The following ADARB2 variants were observed in gnomAD, a reference collection of about 807,000 sequenced individuals.
ADARB2 encodes the protein inactive double-stranded RNA-specific editase B2.
Under a neutral mutation model 62.2 loss-of-function variants are expected in ADARB2, and 25 were observed. The observed-to-expected ratio is 0.40, with a 90% CI of 0.29 to 0.56. ADARB2 has a LOEUF of 0.56. Ranked by LOEUF, ADARB2 falls within the 20% of genes least tolerant of loss-of-function variation. ADARB2 has a pLI of 0.43. For missense variants in ADARB2, 1,071 were observed against 1,077.4 expected (o/e 0.99, Z 0.08); for synonymous variants, 572 against 500.8 (o/e 1.14, Z -1.90).
chr10:1,272,812 G>A (rs979092394), intron 3 of ADARB2, among the ~76,000 whole-genome samples: 1 of 152,176 alleles, frequency 6.6e-6, no homozygotes, highest in African/African-American at 2.4e-5. Flanking sequence ...TGGGGCTGCT[G>A]GAAAAATACC....
chr10:1,538,622 G>A (rs1003130567), intron 1 of ADARB2, among the ~76,000 whole-genome samples: 20 of 152,218 alleles, frequency 1.3e-4, no homozygotes, highest in Non-Finnish European at 2.2e-4. Flanking sequence ...TGGGCATCAC[G>A]TGGTGGACGG....
intron 1 of ADARB2, among the ~76,000 whole-genome samples, chr10:1,490,656 T>C (rs1831610701): frequency 6.6e-6 from 1 of 152,170 alleles, no homozygotes; most frequent in African/African-American, 2.4e-5. Context: ...GGTTTCTCCA[T>C]GTTGTCCAGG....
intron 8 of ADARB2, among the ~76,000 whole-genome samples, chr10:1,188,732 C>T (rs148055442): frequency 2.6e-5 from 4 of 152,112 alleles, no homozygotes; most frequent in Admixed American, 1.3e-4. Flanking sequence ...TGATCATGCC[C>T]GTGGAGCGGG....
intron 3 of ADARB2, among the ~76,000 whole-genome samples, chr10:1,338,875 G>A (rs957937582): frequency 6.6e-6 from 1 of 152,180 alleles, no homozygotes; most frequent in Admixed American, 6.5e-5. Flanking sequence ...CAGGGTGGCT[G>A]TGAGCTCACT....
At chr10:1,543,192 A>G (rs1832465116) in intron 1 of ADARB2, among the ~76,000 whole-genome samples, 1 of 152,162 alleles carries the variant, frequency 6.6e-6, no homozygotes, top group South Asian at 2.1e-4. Context: ...GCCAGAAACG[A>G]AACCCTGAGA....
Position 1,363,590 on chromosome 10 carries a change from G to T in ADARB2, c.515C>A (p.Pro172His). The change falls in exon 3 of 10, where the codon CCC (proline) becomes CAC (histidine). Residue 172 changes from proline to histidine, a missense_variant. By Grantham distance (77) the Pro-to-His change is moderately conservative. Coordinates refer to ENST00000381312, the MANE Select transcript of ADARB2 (RefSeq NM_018702.4). ...VNGLTFEGTG[P>H]TKKKAKMRAA... ...GCGCATCTTGGCCTTCTTCTTGGTG[G>T]GGCCTGTGCCCTCGAACGTGAGCCC... 1 of 1,592,848 alleles carries T rather than the reference G, an allele frequency of 6.3e-7. No homozygotes were observed. Among genetic ancestry groups the T allele is most frequent in the South Asian group, 1.1e-5 (1 of 89,462 alleles).
chr10:1,353,529 T>C (rs1365272946), intron 3 of ADARB2, among the ~76,000 whole-genome samples: 1 of 152,060 alleles, frequency 6.6e-6, no homozygotes, highest in Non-Finnish European at 1.5e-5. Flanking sequence ...TCCCCAGACA[T>C]TTCACATCAG....
At chr10:1,526,425 TG>T (rs1832142854) in intron 1 of ADARB2, among the ~76,000 whole-genome samples, 1 of 148,756 alleles carries the variant, frequency 6.7e-6, no homozygotes, top group African/African-American at 2.5e-5. Context: ...GTGTTGGAGG[TG>T]GGGCCTGGTG....
intron 3 of ADARB2, among the ~76,000 whole-genome samples, chr10:1,306,599 T>C (rs11250400): frequency 0.41 from 56,526 of 137,864 alleles, 13,316 homozygotes; most frequent in East Asian, 0.64. Context: ...CCCGCATCGC[T>C]AAGTCAATCC....
chr10:1,583,499 C>G (rs536472098), intron 1 of ADARB2, among the ~76,000 whole-genome samples: 3 of 152,148 alleles, frequency 2.0e-5, no homozygotes, highest in Non-Finnish European at 2.9e-5. Context: ...AAGAACTCAG[C>G]CCACCCCCAA....
intron 1 of ADARB2, among the ~76,000 whole-genome samples, chr10:1,590,892 C>T (rs981371027): frequency 6.6e-6 from 1 of 152,124 alleles, no homozygotes; most frequent in Non-Finnish European, 1.5e-5. Flanking sequence ...GAGAGAGTCT[C>T]CAGGGTGCTC....
At chr10:1,352,178 A>G (rs1475313618) in intron 3 of ADARB2, among the ~76,000 whole-genome samples, 2 of 151,926 alleles carry the variant, frequency 1.3e-5, no homozygotes, top group Non-Finnish European at 2.9e-5. Flanking sequence ...TAATTCTCAT[A>G]AAAACACACG....
At chr10:1,210,720 G>A (rs1320359761) in intron 7 of ADARB2, among the ~76,000 whole-genome samples, 1 of 152,248 alleles carries the variant, frequency 6.6e-6, no homozygotes, top group African/African-American at 2.4e-5. Context: ...GCGGTTCCTG[G>A]ATGCTGACCG....
rs543762992 is a variant in ADARB2, at chr10:1,278,443, C to A, written c.1078-7374G>T. On this transcript the variant is annotated intron_variant, in intron 3 of 9. Transcript: ENST00000381312. ...ACCCCCTCCCTCCCCACCAGTATTC[C>A]CCAGTGTCTGCTCTTCCCATCTTGA... 2.6e-5 allele frequency among the ~76,000 whole-genome samples: 4 copies of A among 151,570 alleles called. No homozygotes were observed. In the East Asian group the frequency reaches 5.8e-4, roughly 22 times the overall value.
Position 1,673,440 on chromosome 10 carries a change from G to C in ADARB2, c.100+63611C>G, listed in dbSNP as rs566891817. On this transcript the variant is annotated intron_variant, in intron 1 of 9. Transcript: ENST00000381312. ...AATGAACGTTCATAATTTTTTTTAAGGGAAATATTGATGAAGCCCTGTCGT... is the reference window on the plus strand; with the variant it reads ...AATGAACGTTCATAATTTTTTTTAACGGAAATATTGATGAAGCCCTGTCGT... Among the ~76,000 whole-genome samples the C allele has an allele frequency of 1.3e-4, 20 of 151,990 alleles. No individual in the cohort carries two copies. The East Asian group carries it at 3.1e-3, about 23-fold the overall frequency.
intron 1 of ADARB2, among the ~76,000 whole-genome samples, chr10:1,395,670 GC>G (rs1334064677): frequency 6.6e-6 from 1 of 152,172 alleles, no homozygotes; most frequent in Admixed American, 6.5e-5. Flanking sequence ...CCTCATCCCT[GC>G]GACGCAGACC....
rs147309144 is a variant in ADARB2 at position 1,596,243 on chromosome 10, G to C, written c.100+140808C>G. Among the ~76,000 whole-genome samples the C allele has an allele frequency of 4.3e-3, 662 of 152,328 alleles. 4 individuals carry two copies. Among genetic ancestry groups the C allele is most frequent in the African/African-American group, 0.015 (623 of 41,568 alleles). On this transcript the variant is annotated intron_variant, in intron 1 of 9. Transcript: ENST00000381312. ...AATGACATTTTTGACAAGGAAAACA[G>C]TGATGGGCATCAATTGGAACATCAT... is the stretch of plus-strand genomic sequence containing the variant.
In ADARB2 at chr10:1,242,210, C is replaced by T. The variant is rs753624385; in HGVS notation, c.1282G>A (p.Val428Met). ...ACGACCTCCGCGTGGCAGTCATTCA[C>T]CACCAGCCCCTGGTCACTGAGGTGC... ...GEHLSDQGLV[V>M]NDCHAEVVAR... Residue 428 changes from valine to methionine, a missense_variant, in exon 5 of 10, where the codon GTG becomes ATG. Val to Met is a conservative substitution (Grantham distance 21). Coordinates refer to ENST00000381312, the MANE Select transcript of ADARB2 (RefSeq NM_018702.4). 3 of 1,609,234 alleles carry T rather than the reference C, an allele frequency of 1.9e-6. No homozygotes were observed. The highest frequency in any genetic ancestry group is 2.5e-6 in the Non-Finnish European group (3 of 1,178,784).
chr10:1,679,686 G>C (rs758541924), intron 1 of ADARB2, among the ~76,000 whole-genome samples: 2 of 152,186 alleles, frequency 1.3e-5, no homozygotes, highest in Non-Finnish European at 2.9e-5. Flanking sequence ...CCGGTTTCCA[G>C]AGTGTACAGC....
Sources: allele counts gnomAD v4.1 joint callset (sites outside exome capture counted in the v4.1 genomes callset), GRCh38; gene constraint gnomAD v4.1.1; transcripts MANE v1.5; gene names NCBI Gene and HGNC (gene_info 2026-07-23, HGNC 2026-07-21).